Variants in SRBD1 observed in about 807,000 individuals in gnomAD.
The protein encoded by SRBD1 is S1 RNA binding domain 1.
SRBD1 carries 88 observed loss-of-function variants against 115.3 expected under a neutral mutation model. The ratio of observed to expected loss-of-function variants is 0.76; its 90% CI spans 0.64 to 0.91. SRBD1 has a LOEUF of 0.91. Ranked by LOEUF, SRBD1 falls within the 40% of genes least tolerant of loss-of-function variation. The pLI, the probability that SRBD1 is intolerant of heterozygous loss-of-function variation, is 0.00. For synonymous variants in SRBD1, 509 were observed against 407.7 expected (o/e 1.25, Z -2.99); for missense variants, 1,385 against 1,177.4 (o/e 1.18, Z -2.58).
chr2:45,547,714 G>C (rs1016165134), intron 12 of SRBD1, 102 bp from the exon 13 acceptor site: 1 of 904,670 alleles, frequency 1.1e-6, no homozygotes. Flanking sequence ...AGACTGGCTT[G>C]TTTTTTATAA....
At chr2:45,453,092 G>A (rs1669044115) in intron 16 of SRBD1, among the ~76,000 whole-genome samples, 1 of 151,704 alleles carries the variant, frequency 6.6e-6, no homozygotes, top group Non-Finnish European at 1.5e-5. Context: ...ATTCTAGCAG[G>A]GCCCAGAGCC....
chr2:45,498,202 C>T (rs1160781725), intron 14 of SRBD1, among the ~76,000 whole-genome samples: 8 of 152,040 alleles, frequency 5.3e-5, no homozygotes, highest in Admixed American at 5.2e-4. Flanking sequence ...CCTTTTCTAA[C>T]CTTCTTTAGT....
rs1294863661 is a variant in SRBD1 at position 45,434,916 on chromosome 2, C to T, written c.2050-15022G>A. On this transcript the variant is annotated intron_variant, in intron 16 of 20. Transcript: ENST00000263736. Reference sequence around the variant, plus strand: ...GGTATTTCTCCTAATGCTATCCCTCCCCGCTCCCCCCACCCCACGACAGGC... The same window carrying T: ...GGTATTTCTCCTAATGCTATCCCTCTCCGCTCCCCCCACCCCACGACAGGC... Among the ~76,000 whole-genome samples, 6 of 151,982 alleles carry T rather than the reference C, an allele frequency of 3.9e-5. No individual in the cohort carries two copies. In the East Asian group the frequency reaches 1.2e-3, roughly 29 times the overall value.
In SRBD1 at chr2:45,419,673, T is replaced by C. The variant is rs995102906; in HGVS notation, c.2156+115A>G. 20 of 799,888 alleles carry C rather than the reference T, an allele frequency of 2.5e-5. 1 individual carries two copies. Among genetic ancestry groups the C allele is most frequent in the South Asian group, 2.2e-4 (15 of 67,246 alleles). 49.5% of individuals were successfully genotyped at this position (799,888 alleles called of 1,614,324 possible). A position where few individuals can be genotyped will look rare whatever the true frequency, so the allele number is the denominator to read the frequency against. The stretch of plus-strand genomic sequence containing the variant: ...TTACTTAAAGCAATGTATAAACCCA[T>C]AGACGTTCTCTACTTGACAACTTTA... On this transcript the variant is annotated intron_variant, in intron 17 of 20. Coordinates refer to ENST00000263736, the MANE Select transcript of SRBD1 (RefSeq NM_018079.5).
At chr2:45,450,603 G>A (rs1408741096) in intron 16 of SRBD1, among the ~76,000 whole-genome samples, 2 of 152,008 alleles carry the variant, frequency 1.3e-5, no homozygotes, top group African/African-American at 2.4e-5. Context: ...GATGTTCAAG[G>A]GAGGGAACAA....
rs753250746 is a variant in SRBD1 at position 45,416,276 on chromosome 2, AAC to A, written c.2333+2087_2333+2088del. On this transcript the variant is annotated intron_variant, in intron 18 of 20. Transcript: ENST00000263736. ...CATAGAAAGTATAAAAATTAAAAAA[AAC>A]AGGCATATACAGTAACATTGCTAGC... Among the ~76,000 whole-genome samples, 33 of 131,538 alleles carry A rather than the reference AAC, an allele frequency of 2.5e-4. 1 individual carries two copies. The highest frequency in any genetic ancestry group is 3.6e-4 in the African/African-American group (14 of 38,704). 86.3% of individuals were successfully genotyped at this position (131,538 alleles called of 152,430 possible).
intron 7 of SRBD1, among the ~76,000 whole-genome samples, chr2:45,575,269 C>G (rs942518229): frequency 6.6e-6 from 1 of 152,138 alleles, no homozygotes; most frequent in Admixed American, 6.5e-5. Context: ...AAGCACAAAA[C>G]AAGAGTTTTC....
At chr2:45,536,897 G>C (rs559058887) in intron 14 of SRBD1, among the ~76,000 whole-genome samples, 29 of 152,240 alleles carry the variant, frequency 1.9e-4, no homozygotes, top group Non-Finnish European at 3.8e-4. Context: ...ATTTCATAGA[G>C]CAATGTTCCT....
chr2:45,535,845 C>G (rs556468750), intron 14 of SRBD1, among the ~76,000 whole-genome samples: 1 of 151,850 alleles, frequency 6.6e-6, no homozygotes. Flanking sequence ...TCTCTTTACC[C>G]AAAGATAATC....
chr2:45,521,320 A>ACACACAC (rs1558451567), intron 14 of SRBD1, among the ~76,000 whole-genome samples: 4 of 111,588 alleles, frequency 3.6e-5, no homozygotes, highest in East Asian at 2.3e-4. Context: ...CACACACACA[A>ACACACAC]ACCAAACTCG....
intron 16 of SRBD1, among the ~76,000 whole-genome samples, chr2:45,464,942 T>C (rs1669435398): frequency 6.6e-6 from 1 of 151,950 alleles, no homozygotes. Flanking sequence ...GTCATAACTA[T>C]TCTCAATTAA....
chr2:45,593,983 A>G (rs896043037), intron 4 of SRBD1, among the ~76,000 whole-genome samples: 1 of 152,208 alleles, frequency 6.6e-6, no homozygotes, highest in African/African-American at 2.4e-5. Context: ...TGAGCTGTAC[A>G]TTTATGTACA....
At chr2:45,497,780 T>C (rs1670504847) in intron 14 of SRBD1, among the ~76,000 whole-genome samples, 1 of 152,096 alleles carries the variant, frequency 6.6e-6, no homozygotes, top group South Asian at 2.1e-4. Context: ...CTCACGCCTG[T>C]AATCTCAGCA....
chr2:45,525,058 A>T (rs1204999611), intron 14 of SRBD1, among the ~76,000 whole-genome samples: 3 of 151,948 alleles, frequency 2.0e-5, no homozygotes, highest in African/African-American at 7.2e-5. Context: ...TTTTCAACAA[A>T]TGTCGGTAGG....
chr2:45,402,171 T>G (rs888080352), intron 19 of SRBD1, among the ~76,000 whole-genome samples: 1 of 152,156 alleles, frequency 6.6e-6, no homozygotes, highest in African/African-American at 2.4e-5. Context: ...GGGCACCAGT[T>G]AGGAATCTTT....
chr2:45,593,973 T>C (rs1673808238), intron 4 of SRBD1, among the ~76,000 whole-genome samples: 1 of 152,356 alleles, frequency 6.6e-6, no homozygotes, highest in Admixed American at 6.5e-5. Context: ...TGAACATCTC[T>C]GAGCTGTACA....
At chr2:45,571,256 A>T (rs1168609161) in intron 9 of SRBD1, among the ~76,000 whole-genome samples, 1 of 151,692 alleles carries the variant, frequency 6.6e-6, no homozygotes, top group Non-Finnish European at 1.5e-5. Context: ...CTTTTAGGGG[A>T]TTTTTTTCTT....
At position 45,559,215 on chromosome 2, in the gene SRBD1, G is replaced by A. The variant is rs80079770; in HGVS notation, c.1409+3438C>T. Reference sequence around the variant, plus strand: ...TAATTATCTACACTGTGGCCTGAGTGATCTTAAAATGCAATCTGATCATCA... The same window carrying A: ...TAATTATCTACACTGTGGCCTGAGTAATCTTAAAATGCAATCTGATCATCA... On this transcript the variant is annotated intron_variant, in intron 10 of 20. Coordinates refer to ENST00000263736, the MANE Select transcript of SRBD1 (RefSeq NM_018079.5). 3.8e-3 allele frequency among the ~76,000 whole-genome samples: 584 copies of A among 152,216 alleles called. 5 individuals carry two copies. Among genetic ancestry groups the A allele is most frequent in the African/African-American group, 0.013 (535 of 41,530 alleles).
chr2:45,553,320 T>C (rs1672362845), intron 11 of SRBD1, among the ~76,000 whole-genome samples: 1 of 152,220 alleles, frequency 6.6e-6, no homozygotes, highest in African/African-American at 2.4e-5. Flanking sequence ...CCTTATGCTT[T>C]CTTTGGCTCT....
Sources: allele counts gnomAD v4.1 joint callset (sites outside exome capture counted in the v4.1 genomes callset), GRCh38; gene constraint gnomAD v4.1.1; transcripts MANE v1.5; gene names NCBI Gene and HGNC (gene_info 2026-07-23, HGNC 2026-07-21).